SMIM43: variants seen among roughly 807,000 people sequenced by gnomAD.
SMIM43 encodes small integral membrane protein 43, also known as Nodal Enhanced MEsendoderm Peptide.
At chr4:121,760,793 A>G (rs958758981) in intron 5 of SMIM43, among the ~76,000 whole-genome samples, 2 of 152,230 alleles carry the variant, frequency 1.3e-5, no homozygotes, top group African/African-American at 4.8e-5. Context: ...AGTCGCAGAT[A>G]ATGGTTTTAG....
chr4:121,761,802 A>G lies in SMIM43; in HGVS notation c.*341+28T>C, dbSNP rs772815328. On this transcript the variant is annotated intron_variant, in intron 4 of 5. Transcript: ENST00000643802. ...TCAACTTAAAATGGTTATCTTGCCA[A>G]GTAGAACTGCAGATCCATTGCACTT... The G allele has an allele frequency of 3.7e-6, 6 of 1,612,254 alleles. No individual in the cohort carries two copies. The African/African-American group carries it at 5.3e-5, about 14-fold the overall frequency.
chr4:121,760,323 A>G lies in SMIM43; in HGVS notation c.*651T>C. On this transcript the variant is annotated 3_prime_UTR_variant, in exon 6 of 6. Transcript: ENST00000643802. ...ACAATCTTGCAGATAGCAGTAGCCA[A>G]TGACACAGTTCTGGCCAATGAGATG... is the stretch of plus-strand genomic sequence containing the variant. 1 of 1,612,556 alleles carries G rather than the reference A, an allele frequency of 6.2e-7. No homozygotes were observed. Among genetic ancestry groups the G allele is most frequent in the South Asian group, 1.1e-5 (1 of 90,776 alleles).
intron 3 of SMIM43, among the ~76,000 whole-genome samples, chr4:121,762,370 A>G (rs1353949710): frequency 6.6e-6 from 1 of 152,198 alleles, no homozygotes; most frequent in Non-Finnish European, 1.5e-5. Context: ...ATGATTGAAT[A>G]AATAAATAAA....
chr4:121,765,382 C>T (rs1726304834), upstream of SMIM43: 1 of 267,942 alleles, frequency 3.7e-6, no homozygotes, highest in African/African-American at 2.2e-5. Context: ...AGCGACTTCC[C>T]TAGGAGCGAA....
chr4:121,761,718 G>A, intron 4 of SMIM43, 23 bp from the exon 5 acceptor site: 2 of 1,610,990 alleles, frequency 1.2e-6, no homozygotes, highest in Non-Finnish European at 1.7e-6. Flanking sequence ...TTCAGACATA[G>A]GAATCTACTT....
upstream of SMIM43, chr4:121,765,215 C>A (rs1726294861): frequency 2.6e-6 from 1 of 384,034 alleles, no homozygotes; most frequent in East Asian, 3.7e-5. Flanking sequence ...CTCGCGAGGG[C>A]GTCCCGCTAT....
rs767331814 is a variant in SMIM43 at position 121,761,647 on chromosome 4, T to G, written c.*390A>C. 6.2e-7 allele frequency: 1 copy of G among 1,613,814 alleles called. No homozygotes were observed. The highest frequency in any genetic ancestry group is 1.7e-5 in the Admixed American group (1 of 59,952). On this transcript the variant is annotated 3_prime_UTR_variant, in exon 5 of 6. Coordinates refer to ENST00000643802, the MANE Select transcript of SMIM43 (RefSeq NM_001384332.1). Reference sequence around the variant, plus strand: ...ACTCTGGGTAAATTTTCTCTCTTATTCTGTAGAATCGCACCAGATGGCATC... The same window carrying G: ...ACTCTGGGTAAATTTTCTCTCTTATGCTGTAGAATCGCACCAGATGGCATC...
At chr4:121,764,564 T>C (rs1050801790) in intron 1 of SMIM43, 1 of 220,280 alleles carries the variant, frequency 4.5e-6, no homozygotes, top group Non-Finnish European at 8.8e-6. Flanking sequence ...TAAAATGCAG[T>C]TGGACAGAAA....
Position 121,759,955 on chromosome 4 carries a change from A to C in SMIM43, c.*1019T>G. Reference sequence around the variant, plus strand: ...ACAAAGAGGTTACGGCCACCAAGGAAGTGCACAGGTACCCAGGGCCCTCTA... The same window carrying C: ...ACAAAGAGGTTACGGCCACCAAGGACGTGCACAGGTACCCAGGGCCCTCTA... On this transcript the variant is annotated 3_prime_UTR_variant, in exon 6 of 6. Coordinates refer to ENST00000643802, the MANE Select transcript of SMIM43 (RefSeq NM_001384332.1). The C allele has an allele frequency of 4.1e-5, 7 of 169,854 alleles. No homozygotes were observed. The highest frequency in any genetic ancestry group is 6.3e-5 in the Non-Finnish European group (5 of 79,408). 10.5% of individuals were successfully genotyped at this position (169,854 alleles called of 1,614,324 possible).
Position 121,760,484 on chromosome 4 carries a change from A to G in SMIM43, c.*500-10T>C. The G allele has an allele frequency of 3.3e-6, 5 of 1,531,098 alleles. No homozygotes were observed. Among genetic ancestry groups the G allele is most frequent in the Non-Finnish European group, 4.4e-6 (5 of 1,139,772 alleles). 94.8% of individuals were successfully genotyped at this position (1,531,098 alleles called of 1,614,324 possible). A position where few individuals can be genotyped will look rare whatever the true frequency, so the allele number is the denominator to read the frequency against. ...GGGACCATCTTGGAACCTGGAGGAAAAAGCCAAGGGAACCTCAGCAGCCAC... is the reference window on the plus strand; with the variant it reads ...GGGACCATCTTGGAACCTGGAGGAAGAAGCCAAGGGAACCTCAGCAGCCAC... On this transcript the variant is annotated splice_polypyrimidine_tract_variant and intron_variant, in intron 5 of 5. Coordinates refer to ENST00000643802, the MANE Select transcript of SMIM43 (RefSeq NM_001384332.1).
chr4:121,763,430 C>G (rs1170765531), intron 2 of SMIM43, among the ~76,000 whole-genome samples: 1 of 152,186 alleles, frequency 6.6e-6, no homozygotes, highest in Non-Finnish European at 1.5e-5. Flanking sequence ...TCTTCCCTTA[C>G]TGAAGATTGA....
At chr4:121,762,433 A>G (rs1276163043) in intron 3 of SMIM43, among the ~76,000 whole-genome samples, 6 of 152,210 alleles carry the variant, frequency 3.9e-5, no homozygotes, top group Non-Finnish European at 8.8e-5. Context: ...CAGAGTCTCT[A>G]ACAAAGCAAG....
chr4:121,763,293 C>T (rs1350752628), intron 2 of SMIM43, among the ~76,000 whole-genome samples: 2 of 152,182 alleles, frequency 1.3e-5, no homozygotes, highest in Non-Finnish European at 2.9e-5. Flanking sequence ...TTTATATTAT[C>T]AACTTAGGCA....
chr4:121,764,859 A>C lies in SMIM43; in HGVS notation c.*55T>G, dbSNP rs888453758. On this transcript the variant is annotated 3_prime_UTR_variant, in exon 1 of 6. Transcript: ENST00000643802. Reference sequence around the variant, plus strand: ...GCGAGGACGGAGAATCGAGGCGGAGACCCAGCCCAGCGCCCGCGCAGCTCG... The same window carrying C: ...GCGAGGACGGAGAATCGAGGCGGAGCCCCAGCCCAGCGCCCGCGCAGCTCG... The C allele has an allele frequency of 7.5e-6, 3 of 397,366 alleles. No homozygotes were observed. Among genetic ancestry groups the C allele is most frequent in the Non-Finnish European group, 1.3e-5 (3 of 225,454 alleles). The allele number at this position is 397,366 out of a possible 1,614,324, so 24.6% of individuals were successfully genotyped here.
intron 1 of SMIM43, 54 bp from the exon 2 acceptor site, chr4:121,763,926 T>C (rs1218520174): frequency 1.3e-5 from 2 of 152,112 alleles, no homozygotes; most frequent in Admixed American, 1.3e-4. Context: ...GATGAAGATA[T>C]TTCCCAAACT....
At chr4:121,765,178 G>A, upstream of SMIM43, 1 of 390,504 alleles carries the variant, frequency 2.6e-6, no homozygotes, top group Non-Finnish European at 4.5e-6. Context: ...CGCGCCGCCC[G>A]CACACCCACC....
Position 121,760,463 on chromosome 4 carries a change from C to A in SMIM43, c.*511G>T. 6.5e-7 allele frequency: 1 copy of A among 1,546,476 alleles called. No homozygotes were observed. Among genetic ancestry groups the A allele is most frequent in the Non-Finnish European group, 8.7e-7 (1 of 1,145,604 alleles). ...TTCTTCTTGTGGGGTGCTGCGGGGA[C>A]CATCTTGGAACCTGGAGGAAAAAGC... is the stretch of plus-strand genomic sequence containing the variant. On this transcript the variant is annotated 3_prime_UTR_variant, in exon 6 of 6. Coordinates refer to ENST00000643802, the MANE Select transcript of SMIM43 (RefSeq NM_001384332.1).
chr4:121,761,378 A>G (rs894648866), intron 5 of SMIM43, among the ~76,000 whole-genome samples, 160 bp downstream of exon 5: 1 of 152,224 alleles, frequency 6.6e-6, no homozygotes, highest in African/African-American at 2.4e-5. Flanking sequence ...TTAGAAAACA[A>G]CAAACATTTC....
Position 121,761,895 on chromosome 4 carries a change from G to A in SMIM43, c.*279-3C>T. ...AGATCTGAAGCCATTTTGAACACCT[G>A]AAATTTAGAAACAATGATGAAATAA... On this transcript the variant is annotated splice_polypyrimidine_tract_variant and splice_region_variant and intron_variant, in intron 3 of 5. Coordinates refer to ENST00000643802, the MANE Select transcript of SMIM43 (RefSeq NM_001384332.1). 1.9e-6 allele frequency: 3 copies of A among 1,597,624 alleles called. No individual in the cohort carries two copies. The highest frequency in any genetic ancestry group is 2.6e-6 in the Non-Finnish European group (3 of 1,171,842).
Sources: allele counts gnomAD v4.1 joint callset (sites outside exome capture counted in the v4.1 genomes callset), GRCh38; gene constraint gnomAD v4.1.1; transcripts MANE v1.5; gene names NCBI Gene and HGNC (gene_info 2026-07-23, HGNC 2026-07-21).